The following AGBL4 variants were observed in gnomAD, a reference collection of about 807,000 sequenced individuals.
AGBL4 encodes the protein AGBL carboxypeptidase 4.
Under a neutral mutation model 66.4 loss-of-function variants are expected in AGBL4, and 58 were observed. The observed-to-expected ratio is 0.87, with a 90% CI of 0.71 to 1.09. The LOEUF is 1.09. AGBL4 is among the 50% of genes least tolerant of loss of function. The pLI, the probability that AGBL4 is intolerant of heterozygous loss-of-function variation, is 0.00. For synonymous variants in AGBL4, 234 were observed against 222.9 expected, an observed-to-expected ratio of 1.05 and a Z score of -0.44; for missense variants, 579 against 631.0, an observed-to-expected ratio of 0.92 and a Z score of 0.88.
At chr1:48,950,766 T>C (rs569145313) in intron 5 of AGBL4, among the ~76,000 whole-genome samples, 4 of 152,258 alleles carry the variant, frequency 2.6e-5, no homozygotes, top group Admixed American at 1.3e-4. Flanking sequence ...CATGCCCACA[T>C]TTTGTCCTTT....
chr1:49,338,807 G>A (rs1249535989), intron 3 of AGBL4, among the ~76,000 whole-genome samples: 1 of 152,190 alleles, frequency 6.6e-6, no homozygotes, highest in Non-Finnish European at 1.5e-5. Context: ...GGTGGTGGAG[G>A]AAGCCTTTAT....
At chr1:49,431,423 A>G (rs1482057704) in intron 3 of AGBL4, among the ~76,000 whole-genome samples, 3 of 151,926 alleles carry the variant, frequency 2.0e-5, no homozygotes, top group Non-Finnish European at 4.4e-5. Flanking sequence ...TAGATGTGTC[A>G]CACTCTTTTC....
chr1:48,786,839 G>C (rs1645419120), intron 6 of AGBL4, among the ~76,000 whole-genome samples: 1 of 151,998 alleles, frequency 6.6e-6, no homozygotes, highest in African/African-American at 2.4e-5. Flanking sequence ...GATAGCCCCA[G>C]TCAGAGATAT....
chr1:49,954,485 C>T (rs1208434371), intron 1 of AGBL4, among the ~76,000 whole-genome samples: 1 of 151,968 alleles, frequency 6.6e-6, no homozygotes, highest in African/African-American at 2.4e-5. Flanking sequence ...CACCTTCTGC[C>T]ATAAGATGAC....
intron 2 of AGBL4, among the ~76,000 whole-genome samples, chr1:49,791,299 T>G (rs577402056): frequency 6.6e-6 from 1 of 152,088 alleles, no homozygotes; most frequent in Admixed American, 6.5e-5. Context: ...GAATACTAAA[T>G]ATATGCATAT....
In AGBL4 at chr1:48,867,220, T is replaced by C. The variant is rs764802496; in HGVS notation, c.605A>G (p.Lys202Arg). The C allele has an allele frequency of 1.4e-5, 23 of 1,613,472 alleles. No individual in the cohort carries two copies. Among genetic ancestry groups the C allele is most frequent in the Non-Finnish European group, 1.9e-5 (23 of 1,179,784 alleles). ...GCTGGTTATCGTCAGGAGGTCAAGC[T>C]TTCGTTGTTGCTGCAAAAGAAAACA... The part of the protein sequence containing the change: ...EQLGQSVQQR[K>R]LDLLTITSPD... The change falls in exon 6 of 14, where the codon AAG becomes AGG. Residue 202 changes from lysine (K) to arginine (R), a missense_variant. Physicochemically the swap from Lys to Arg is conservative, Grantham distance 26. Coordinates refer to ENST00000371839, the MANE Select transcript of AGBL4 (RefSeq NM_032785.4).
chr1:49,884,942 A>T (rs1647858643), intron 1 of AGBL4, among the ~76,000 whole-genome samples: 1 of 151,958 alleles, frequency 6.6e-6, no homozygotes, highest in African/African-American at 2.4e-5. Flanking sequence ...TGAAACATCT[A>T]GAAATAGACT....
intron 3 of AGBL4, among the ~76,000 whole-genome samples, chr1:49,268,720 T>G (rs1643986447): frequency 6.6e-6 from 1 of 152,206 alleles, no homozygotes; most frequent in African/African-American, 2.4e-5. Flanking sequence ...TTTGTTATCA[T>G]TTTATAATAA....
chr1:49,795,419 T>C (rs920328883), intron 2 of AGBL4, among the ~76,000 whole-genome samples: 7 of 151,960 alleles, frequency 4.6e-5, no homozygotes, highest in African/African-American at 1.4e-4. Context: ...CACTGAAATA[T>C]GTATCTAGCA....
At chr1:48,908,070 A>G (rs1260546506) in intron 5 of AGBL4, among the ~76,000 whole-genome samples, 2 of 152,046 alleles carry the variant, frequency 1.3e-5, no homozygotes, top group Non-Finnish European at 2.9e-5. Context: ...GCTTCCTCCA[A>G]AGTTTTTGCA....
chr1:49,465,457 GC>G (rs1646610605), intron 3 of AGBL4, among the ~76,000 whole-genome samples: 1 of 151,724 alleles, frequency 6.6e-6, no homozygotes, highest in Admixed American at 6.6e-5. Context: ...GAGATAAGGA[GC>G]TTTAAAGTGA....
chr1:49,236,360 G>A (rs186744120), intron 4 of AGBL4, among the ~76,000 whole-genome samples: 2 of 152,148 alleles, frequency 1.3e-5, no homozygotes, highest in African/African-American at 2.4e-5. Flanking sequence ...TCTTCATTTT[G>A]TAACATCTAT....
chr1:49,278,790 A>C (rs74353613), intron 3 of AGBL4, among the ~76,000 whole-genome samples: 4,179 of 152,192 alleles, frequency 0.027, 163 homozygotes, highest in African/African-American at 0.095. Context: ...GAGGACAATA[A>C]AAATAAATAT....
chr1:48,906,895 G>A (rs1433813059), intron 5 of AGBL4, among the ~76,000 whole-genome samples: 3 of 152,176 alleles, frequency 2.0e-5, no homozygotes, highest in Non-Finnish European at 4.4e-5. Flanking sequence ...GTTTCCTTCT[G>A]TGGTCACAAA....
At chr1:49,006,324 TA>T (rs1475907390) in intron 5 of AGBL4, among the ~76,000 whole-genome samples, 2 of 152,076 alleles carry the variant, frequency 1.3e-5, no homozygotes, top group East Asian at 3.9e-4. Flanking sequence ...CCAACGGGCT[TA>T]AAAAACGGCG....
chr1:49,960,513 A>C (rs142115404), intron 1 of AGBL4, among the ~76,000 whole-genome samples: 1 of 152,070 alleles, frequency 6.6e-6, no homozygotes, highest in Non-Finnish European at 1.5e-5. Context: ...TAGGATGACT[A>C]TTCTTAAAAA....
intron 5 of AGBL4, among the ~76,000 whole-genome samples, chr1:48,890,216 G>T (rs1250375209): frequency 6.6e-6 from 1 of 151,960 alleles, no homozygotes; most frequent in African/African-American, 2.4e-5. Flanking sequence ...GACTACCAAG[G>T]AGGTCCCCCT....
intron 2 of AGBL4, among the ~76,000 whole-genome samples, chr1:49,787,840 A>T (rs1014106138): frequency 6.6e-6 from 1 of 152,100 alleles, no homozygotes; most frequent in African/African-American, 2.4e-5. Flanking sequence ...GTTGCCTACC[A>T]GCTCGCCTGC....
At chr1:49,891,409 T>G (rs1648631962) in intron 1 of AGBL4, among the ~76,000 whole-genome samples, 1 of 152,128 alleles carries the variant, frequency 6.6e-6, no homozygotes. Flanking sequence ...TAACAATGAC[T>G]ACAGACATTT....
Sources: allele counts gnomAD v4.1 joint callset (sites outside exome capture counted in the v4.1 genomes callset), GRCh38; gene constraint gnomAD v4.1.1; transcripts MANE v1.5; gene names NCBI Gene and HGNC (gene_info 2026-07-23, HGNC 2026-07-21).